ENTREP2: variants seen among roughly 807,000 people sequenced by gnomAD.
ENTREP2 encodes endosomal transmembrane epsin interactor 2, also known as protein ENTREP2.
At chr15:29,194,847 C>T in the ENTREP2 span, among the ~76,000 whole-genome samples, 10 of 152,184 alleles carry the variant, frequency 6.6e-5, no homozygotes, top group African/African-American at 2.4e-4. Flanking sequence ...CTTAGAGGAG[C>T]CTGTTGAACA....
chr15:29,279,022 C>G, the ENTREP2 span, among the ~76,000 whole-genome samples: 45 of 152,196 alleles, frequency 3.0e-4, 1 homozygote, highest in Non-Finnish European at 4.0e-4. Flanking sequence ...TCCCTGGTGT[C>G]TCTTCCTCCT....
the ENTREP2 span, among the ~76,000 whole-genome samples, chr15:29,536,637 C>T: frequency 2.0e-5 from 3 of 151,836 alleles, no homozygotes; most frequent in African/African-American, 7.3e-5. Context: ...AGTTCTAAAC[C>T]CTAGTACCTC....
the ENTREP2 span, among the ~76,000 whole-genome samples, chr15:29,548,654 G>C: frequency 6.6e-6 from 1 of 152,068 alleles, no homozygotes; most frequent in Non-Finnish European, 1.5e-5. Flanking sequence ...AAGAAGAAAG[G>C]ATAATGGGAC....
the ENTREP2 span, among the ~76,000 whole-genome samples, chr15:29,673,775 C>T: frequency 4.6e-5 from 7 of 152,160 alleles, no homozygotes; most frequent in Admixed American, 4.6e-4. Flanking sequence ...CAAGTTCCTC[C>T]CAAAGTTAGT....
At chr15:29,596,357 C>G in the ENTREP2 span, among the ~76,000 whole-genome samples, 1 of 152,196 alleles carries the variant, frequency 6.6e-6, no homozygotes, top group Non-Finnish European at 1.5e-5. Context: ...TATCTGGAAT[C>G]TCCCATGCCT....
chr15:29,124,620 ACCCACCAACACCCGC>A, the ENTREP2 span: 1 of 1,340,578 alleles, frequency 7.5e-7, no homozygotes, highest in Non-Finnish European at 1.0e-6. Flanking sequence ...GTAGCCAAGG[ACCCACCAACACCCGC>A]CCCACCTCCC....
At chr15:29,658,847 T>C in the ENTREP2 span, among the ~76,000 whole-genome samples, 1 of 152,308 alleles carries the variant, frequency 6.6e-6, no homozygotes, top group East Asian at 1.9e-4. Flanking sequence ...GAATATTATT[T>C]TGACCAGCCA....
the ENTREP2 span, chr15:29,265,124 T>C: frequency 1.3e-5 from 2 of 152,068 alleles, no homozygotes; most frequent in Non-Finnish European, 2.9e-5. Context: ...AATAGCCCAA[T>C]AAAAGGTATT....
chr15:29,640,885 C>T, the ENTREP2 span, among the ~76,000 whole-genome samples: 7,036 of 152,174 alleles, frequency 0.046, 185 homozygotes, highest in South Asian at 0.065. Flanking sequence ...GAGAAAACTA[C>T]AGACCAGTAT....
the ENTREP2 span, chr15:29,137,133 A>T: frequency 6.8e-7 from 1 of 1,477,160 alleles, no homozygotes; most frequent in Non-Finnish European, 8.9e-7. Context: ...GGTCTGGTGG[A>T]GAACGGTGCC....
chr15:29,414,980 T>C, the ENTREP2 span, among the ~76,000 whole-genome samples: 7 of 152,054 alleles, frequency 4.6e-5, no homozygotes. Context: ...AGACAAATAA[T>C]AACAGGCTCT....
chr15:29,395,792 G>A, the ENTREP2 span, among the ~76,000 whole-genome samples: 4 of 151,844 alleles, frequency 2.6e-5, no homozygotes, highest in East Asian at 2.0e-4. Context: ...CCTGGGCCTC[G>A]AAAAGTGCTG....
At chr15:29,600,857 G>A in the ENTREP2 span, among the ~76,000 whole-genome samples, 11 of 150,042 alleles carry the variant, frequency 7.3e-5, no homozygotes, top group South Asian at 8.4e-4. Context: ...CTGAAACCAC[G>A]CAAAGAAATA....
chr15:29,420,402 A>G, the ENTREP2 span, among the ~76,000 whole-genome samples: 1 of 152,162 alleles, frequency 6.6e-6, no homozygotes, highest in Admixed American at 6.5e-5. Context: ...TAGCCAGGTG[A>G]CAGTCTGTAG....
chr15:29,330,927 A>C, the ENTREP2 span, among the ~76,000 whole-genome samples: 1 of 152,218 alleles, frequency 6.6e-6, no homozygotes, highest in African/African-American at 2.4e-5. Context: ...CAACGCATAA[A>C]TATCACAGCC....
chr15:29,174,680 A>T, the ENTREP2 span, among the ~76,000 whole-genome samples: 1 of 149,214 alleles, frequency 6.7e-6, no homozygotes, highest in Non-Finnish European at 1.5e-5. Flanking sequence ...ACAGAGTGAG[A>T]CTCCAACTAA....
the ENTREP2 span, among the ~76,000 whole-genome samples, chr15:29,637,075 A>C: frequency 6.6e-6 from 1 of 152,212 alleles, no homozygotes; most frequent in South Asian, 2.1e-4. Flanking sequence ...AAATCCTCAT[A>C]CAGCAGAGTC....
chr15:29,251,731 G>GT, the ENTREP2 span, among the ~76,000 whole-genome samples: 4 of 104,406 alleles, frequency 3.8e-5, no homozygotes, highest in African/African-American at 1.4e-4. Flanking sequence ...AACATTATGA[G>GT]TTTTTTTTGT....
At chr15:29,203,600 G>A in the ENTREP2 span, among the ~76,000 whole-genome samples, 1 of 151,866 alleles carries the variant, frequency 6.6e-6, no homozygotes, top group Admixed American at 6.6e-5. Flanking sequence ...ATCTTTTTGT[G>A]GTGAAAACAT....
Sources: gnomAD v4.1 joint callset for allele counts (sites outside exome capture counted in the v4.1 genomes callset) on GRCh38, gnomAD v4.1.1 for gene constraint, MANE v1.5 for transcripts, NCBI Gene and HGNC (gene_info 2026-07-23, HGNC 2026-07-21) for gene names.